NDST1: variants seen among roughly 807,000 people sequenced by gnomAD.
NDST1 encodes N-deacetylase and N-sulfotransferase 1.
NDST1 carries 35 observed loss-of-function variants against 92.8 expected under a neutral mutation model. The observed-to-expected ratio is 0.38, with a 90% CI of 0.29 to 0.50. NDST1 has a LOEUF of 0.50. Ranked by LOEUF, NDST1 falls within the 20% of genes least tolerant of loss-of-function variation. The pLI, the probability that NDST1 is intolerant of heterozygous loss-of-function variation, is 0.94. For synonymous variants in NDST1, 493 were observed against 500.3 expected (o/e 0.99, Z 0.19); for missense variants, 822 against 1,182.7 (o/e 0.69, Z 4.47).
At chr5:150,546,566 G>A (rs559544136) in intron 11 of NDST1, among the ~76,000 whole-genome samples, 1 of 152,240 alleles carries the variant, frequency 6.6e-6, no homozygotes. Flanking sequence ...GGGAGGGGGT[G>A]GGGCCCTGGG....
At chr5:150,542,242 A>G (rs754192313) in intron 9 of NDST1, among the ~76,000 whole-genome samples, 14 of 152,190 alleles carry the variant, frequency 9.2e-5, no homozygotes, top group East Asian at 1.9e-4. Flanking sequence ...GCCAAACTCT[A>G]TAGCCTCCTT....
chr5:150,519,369 A>G (rs1449817295), intron 1 of NDST1, among the ~76,000 whole-genome samples: 1 of 151,410 alleles, frequency 6.6e-6, no homozygotes, highest in African/African-American at 2.4e-5. Context: ...TTCCATCTAG[A>G]CCTGGGCAAC....
chr5:150,503,834 A>G (rs1244677033), upstream of NDST1, among the ~76,000 whole-genome samples: 3 of 152,060 alleles, frequency 2.0e-5, no homozygotes, highest in African/African-American at 7.2e-5. Context: ...AAGGCCTCCT[A>G]TAGGACCCCT....
chr5:150,512,158 C>T lies in NDST1; in HGVS notation c.-388+3932C>T, dbSNP rs570502911. On this transcript the variant is annotated intron_variant, in intron 1 of 14. Transcript: ENST00000261797. ...GGCAGAGCTCTTTCTGCACTGACCT[C>T]CTCTCAGCCCCCACCCCATGTGCAT... Among the ~76,000 whole-genome samples the T allele has an allele frequency of 2.2e-4, 34 of 152,262 alleles. No individual in the cohort carries two copies. In the South Asian group the frequency reaches 6.0e-3, roughly 27 times the overall value.
rs1445530789 is a variant in NDST1 at position 150,550,602 on chromosome 5, C to G, written c.2426+815C>G. 4.6e-5 allele frequency: 7 copies of G among 152,214 alleles called. No homozygotes were observed. The East Asian group carries it at 1.3e-3, about 29-fold the overall frequency. The allele number at this position is 152,214 out of a possible 1,614,324, so 9.4% of individuals were successfully genotyped here. A position where few individuals can be genotyped will look rare whatever the true frequency, so the allele number is the denominator to read the frequency against. Reference sequence around the variant, plus strand: ...TGACACACTCAGCTGGATGAGGGGACCCCAAGAGAAGGAGGAATCAAGTCA... The same window carrying G: ...TGACACACTCAGCTGGATGAGGGGAGCCCAAGAGAAGGAGGAATCAAGTCA... On this transcript the variant is annotated intron_variant, in intron 13 of 14. Coordinates refer to ENST00000261797, the MANE Select transcript of NDST1 (RefSeq NM_001543.5).
At chr5:150,528,428 C>G in intron 3 of NDST1, 130 bp downstream of exon 3, 1 of 1,029,448 alleles carries the variant, frequency 9.7e-7, no homozygotes, top group South Asian at 1.8e-5. Flanking sequence ...GACAGTCCCA[C>G]TCTGCTTCCT....
chr5:150,535,055 G>A (rs371582196), intron 5 of NDST1, 34 bp downstream of exon 5: 13 of 1,595,974 alleles, frequency 8.1e-6, no homozygotes, highest in South Asian at 3.4e-5. Context: ...AGAGCGGGGC[G>A]GGCTAAGGGC....
Position 150,520,916 on chromosome 5 carries a change from G to T in NDST1, c.-339G>T. On this transcript the variant is annotated 5_prime_UTR_variant, in exon 2 of 15. Coordinates refer to ENST00000261797, the MANE Select transcript of NDST1 (RefSeq NM_001543.5). Reference sequence around the variant, plus strand: ...AGTGAGCGGCATGCAGCACCCCCGGGCCTGTCCAGTGTCCTCTGGCCTGCT... The same window carrying T: ...AGTGAGCGGCATGCAGCACCCCCGGTCCTGTCCAGTGTCCTCTGGCCTGCT... 1.9e-6 allele frequency: 1 copy of T among 518,708 alleles called. No individual in the cohort carries two copies. Among genetic ancestry groups the T allele is most frequent in the Non-Finnish European group, 3.4e-6 (1 of 295,804 alleles). 32.1% of individuals were successfully genotyped at this position (518,708 alleles called of 1,614,324 possible). A position where few individuals can be genotyped will look rare whatever the true frequency, so the allele number is the denominator to read the frequency against.
intron 4 of NDST1, among the ~76,000 whole-genome samples, chr5:150,533,542 T>C (rs1754842182): frequency 1.3e-5 from 2 of 152,286 alleles, no homozygotes; most frequent in South Asian, 4.1e-4. Flanking sequence ...CTCTCTCACT[T>C]GCTGTCCTCT....
intron 1 of NDST1, among the ~76,000 whole-genome samples, chr5:150,498,669 A>G (rs369242695): frequency 3.3e-5 from 5 of 152,030 alleles, no homozygotes; most frequent in South Asian, 4.1e-4. Flanking sequence ...TTGTCCCTCC[A>G]TTGTCTCTTT....
At position 150,542,957 on chromosome 5, in the gene NDST1, C is replaced by T. The variant is rs1279245568; in HGVS notation, c.1956C>T (p.His652=). The T allele has an allele frequency of 1.2e-6, 2 of 1,613,990 alleles. No homozygotes were observed. The highest frequency in any genetic ancestry group is 1.7e-6 in the Non-Finnish European group (2 of 1,179,956). ...AGTTTTTTAATGGCCACAACTATCACAAAGGCATCGACTGGTGAGTTGGCC... is the reference window on the plus strand; with the variant it reads ...AGTTTTTTAATGGCCACAACTATCATAAAGGCATCGACTGGTGAGTTGGCC... The part of the protein sequence containing the change: ...EIQFFNGHNY[H]KGIDWYMEFF... Residue 652 remains histidine (H), a synonymous_variant, in exon 10 of 15, where the codon CAC becomes CAT. Transcript: ENST00000261797.
chr5:150,545,533 C>T (rs374186030), intron 11 of NDST1, 47 bp downstream of exon 11: 200 of 1,602,932 alleles, frequency 1.2e-4, no homozygotes, highest in East Asian at 1.1e-3. Context: ...CACAGGGCTC[C>T]GTCTGACACT....
chr5:150,535,728 A>T lies in NDST1; in HGVS notation c.1280A>T (p.Tyr427Phe). ...VEHGIPTDMG[Y>F]AVAPHHSGVY... ...CATGGCATTCCCACAGACATGGGGT[A>T]TGCAGTGGCGCCCCACCACTCGGGC... Residue 427 changes from tyrosine to phenylalanine, a missense_variant, in exon 6 of 15, where the codon TAT becomes TTT. Transcript: ENST00000261797. 1 of 1,614,192 alleles carries T rather than the reference A, an allele frequency of 6.2e-7. No individual in the cohort carries two copies. The highest frequency in any genetic ancestry group is 8.5e-7 in the Non-Finnish European group (1 of 1,180,030).
Position 150,535,788 on chromosome 5 carries a change from G to A in NDST1, c.1340G>A (p.Trp447Ter), listed in dbSNP as rs1199751014. The change falls in exon 6 of 15, where the codon TGG becomes TAG. Residue 447 changes from tryptophan to a stop codon, truncating the protein, a stop_gained. Transcript: ENST00000261797. LOFTEE classifies it high-confidence loss of function. ...GTGCACGTGCAGCTGTACGAGGCTTGGAAGCAGGTGTGGAGCATCCGCGTG... is the reference window on the plus strand; with the variant it reads ...GTGCACGTGCAGCTGTACGAGGCTTAGAAGCAGGTGTGGAGCATCCGCGTG... ...YPVHVQLYEAWKQVWSIRVTS... is the reference protein window; with the variant it reads ...YPVHVQLYEA The A allele has an allele frequency of 6.2e-7, 1 of 1,614,194 alleles. No homozygotes were observed. The highest frequency in any genetic ancestry group is 8.5e-7 in the Non-Finnish European group (1 of 1,180,042).
chr5:150,539,280 A>G lies in NDST1; in HGVS notation c.1490A>G (p.Glu497Gly), dbSNP rs1755135615. The G allele has an allele frequency of 6.2e-7, 1 of 1,614,074 alleles. No homozygotes were observed. Among genetic ancestry groups the G allele is most frequent in the South Asian group, 1.1e-5 (1 of 91,072 alleles). Residue 497 changes from glutamate (E) to glycine (G), a missense_variant, in exon 7 of 15, where the codon GAG becomes GGG. Transcript: ENST00000261797. ...TTCACACACACCATCTTCTACAACG[A>G]GTACCCTGGCGGCTCCAGTGAGCTG... ...GLFTHTIFYN[E>G]YPGGSSELDK...
chr5:150,544,718 G>A (rs1464299883), intron 10 of NDST1, among the ~76,000 whole-genome samples: 1 of 152,224 alleles, frequency 6.6e-6, no homozygotes, highest in African/African-American at 2.4e-5. Flanking sequence ...TCATCCAGAG[G>A]TGGCCATTGC....
chr5:150,501,207 G>T (rs1159996627), intron 1 of NDST1, among the ~76,000 whole-genome samples: 1 of 152,202 alleles, frequency 6.6e-6, no homozygotes, highest in Non-Finnish European at 1.5e-5. Context: ...CCTTCTGATA[G>T]TCCTCCTGCT....
In NDST1 at chr5:150,539,237, C is replaced by T. The variant is rs1484836650; in HGVS notation, c.1447C>T (p.Arg483Trp). ...CCCACCCCCTCCTCAGGTTCTCCCA[C>T]GGCAGACCTGCGGCCTCTTCACACA... is the stretch of plus-strand genomic sequence containing the variant. ...FIHNGIMVLP[R>W]QTCGLFTHTI... is the part of the protein sequence containing the mutation. Residue 483 changes from arginine to tryptophan, a missense_variant, in exon 7 of 15, where the codon CGG (arginine) becomes TGG (tryptophan). Coordinates refer to ENST00000261797, the MANE Select transcript of NDST1 (RefSeq NM_001543.5). The T allele has an allele frequency of 3.1e-6, 5 of 1,613,994 alleles. No individual in the cohort carries two copies. Among genetic ancestry groups the T allele is most frequent in the Non-Finnish European group, 4.2e-6 (5 of 1,179,912 alleles).
intron 3 of NDST1, among the ~76,000 whole-genome samples, chr5:150,532,672 T>G (rs1247024621): frequency 1.3e-5 from 2 of 151,988 alleles, no homozygotes; most frequent in African/African-American, 2.4e-5. Flanking sequence ...GATTACAGGC[T>G]CGTGCCACCA....
Sources: gnomAD v4.1 joint callset for allele counts (sites outside exome capture counted in the v4.1 genomes callset) on GRCh38, gnomAD v4.1.1 for gene constraint, MANE v1.5 for transcripts, NCBI Gene and HGNC (gene_info 2026-07-23, HGNC 2026-07-21) for gene names.